Variants in HDAC8 observed in about 807,000 individuals in gnomAD.
HDAC8 encodes the protein histone deacetylase 8.
A neutral mutation model predicts 32.2 loss-of-function variants in HDAC8; 1 was observed. That is an observed-to-expected ratio of 0.03 (90% CI 0.01 to 0.15). HDAC8 has a LOEUF of 0.15. HDAC8 is among the 10% of genes least tolerant of loss of function. HDAC8 has a pLI of 1.00. For synonymous variants in HDAC8, 108 were observed against 113.9 expected (o/e 0.95, Z 0.33); for missense variants, 117 against 300.0 (o/e 0.39, Z 4.51).
chrX:72,496,295 T>G (rs1300723143), intron 4 of HDAC8, among the ~76,000 whole-genome samples: 3 of 110,424 alleles, frequency 2.7e-5, no homozygotes, highest in Non-Finnish European at 3.8e-5. Flanking sequence ...CATTTCATAT[T>G]CTAAATAATG....
intron 9 of HDAC8, among the ~76,000 whole-genome samples, chrX:72,420,779 C>T (rs1360352160): frequency 1.8e-5 from 2 of 112,009 alleles, no homozygotes; most frequent in African/African-American, 6.5e-5. Context: ...CACCCCACCT[C>T]TTTTTGGTTA....
chrX:72,333,260 C>T (rs191508931), intron 10 of HDAC8, among the ~76,000 whole-genome samples: 1 of 112,213 alleles, frequency 8.9e-6, no homozygotes, highest in Admixed American at 9.5e-5. Flanking sequence ...CCCCTTCTTT[C>T]TGTTCCACTG....
At chrX:72,500,268 G>C (rs73498383) in intron 4 of HDAC8, among the ~76,000 whole-genome samples, 1 of 111,239 alleles carries the variant, frequency 9.0e-6, no homozygotes, top group East Asian at 2.8e-4. Flanking sequence ...ACTCTTCCTC[G>C]ACTCATTCTA....
intron 4 of HDAC8, among the ~76,000 whole-genome samples, chrX:72,509,552 T>A (rs1187620049): frequency 8.9e-6 from 1 of 111,903 alleles, no homozygotes; most frequent in Non-Finnish European, 1.9e-5. Flanking sequence ...ATTCCGCCTT[T>A]AAAAAGAAGG....
At chrX:72,451,515 A>G (rs2047570712) in intron 9 of HDAC8, among the ~76,000 whole-genome samples, 1 of 112,485 alleles carries the variant, frequency 8.9e-6, no homozygotes, top group Admixed American at 9.4e-5. Context: ...AGGTTTGAAT[A>G]CCAAATATAA....
At chrX:72,506,107 T>A (rs910501994) in intron 4 of HDAC8, among the ~76,000 whole-genome samples, 2 of 111,730 alleles carry the variant, frequency 1.8e-5, no homozygotes, top group South Asian at 7.6e-4. Flanking sequence ...TGGCTCAATA[T>A]AAACCTAGAC....
chrX:72,434,458 A>G (rs1602814141), intron 9 of HDAC8, among the ~76,000 whole-genome samples: 2 of 112,058 alleles, frequency 1.8e-5, no homozygotes, highest in African/African-American at 6.5e-5. Context: ...ATCTAAATAT[A>G]AAACTCAAAT....
intron 4 of HDAC8, among the ~76,000 whole-genome samples, chrX:72,566,160 CAAGA>C (rs1371425893): frequency 9.2e-6 from 1 of 108,235 alleles, no homozygotes; most frequent in Non-Finnish European, 1.9e-5. Context: ...AAAAACAAAA[CAAGA>C]AAGAAAGAAA....
intron 7 of HDAC8, chrX:72,474,826 A>G: frequency 1.9e-6 from 1 of 517,531 alleles, no homozygotes; most frequent in Non-Finnish European, 3.3e-6. Flanking sequence ...CTTTTCTTTG[A>G]TTCCATCAGG....
chrX:72,552,863 A>G (rs2051135577), intron 4 of HDAC8, among the ~76,000 whole-genome samples: 1 of 109,343 alleles, frequency 9.1e-6, no homozygotes, highest in Non-Finnish European at 1.9e-5. Flanking sequence ...CAATATCACC[A>G]TCCTCACAAA....
At chrX:72,388,898 T>C (rs781868370) in intron 9 of HDAC8, among the ~76,000 whole-genome samples, 1 of 112,086 alleles carries the variant, frequency 8.9e-6, no homozygotes, top group African/African-American at 3.2e-5. Context: ...ACCATGCTGG[T>C]GCCTTGATCT....
chrX:72,460,251 C>T (rs1555991199), intron 9 of HDAC8, among the ~76,000 whole-genome samples: 1 of 110,845 alleles, frequency 9.0e-6, no homozygotes, highest in African/African-American at 3.3e-5. Context: ...ATTCGCTTGC[C>T]TCAGCCTCCC....
chrX:72,375,180 G>T (rs782374799), intron 9 of HDAC8, among the ~76,000 whole-genome samples: 2 of 112,007 alleles, frequency 1.8e-5, no homozygotes, highest in Non-Finnish European at 3.8e-5. Context: ...TCATAGTTGG[G>T]AAGTTTTATT....
intron 4 of HDAC8, among the ~76,000 whole-genome samples, chrX:72,522,237 C>A (rs1285200100): frequency 8.9e-6 from 1 of 112,196 alleles, no homozygotes; most frequent in African/African-American, 3.2e-5. Context: ...AGAACTTTCA[C>A]GTGCATGCAT....
intron 4 of HDAC8, among the ~76,000 whole-genome samples, chrX:72,526,698 G>A (rs1556032388): frequency 9.0e-6 from 1 of 111,244 alleles, no homozygotes; most frequent in African/African-American, 3.3e-5. Flanking sequence ...CTACCTCTCA[G>A]GTACCTCGAA....
intron 9 of HDAC8, among the ~76,000 whole-genome samples, chrX:72,359,031 G>A (rs1016861994): frequency 9.1e-6 from 1 of 110,088 alleles, no homozygotes; most frequent in Non-Finnish European, 1.9e-5. Context: ...TGGCCCCAGG[G>A]GGGTTGGGGA....
chrX:72,427,525 C>T (rs1212591713), intron 9 of HDAC8, among the ~76,000 whole-genome samples: 2 of 101,174 alleles, frequency 2.0e-5, no homozygotes, highest in Non-Finnish European at 4.0e-5. Flanking sequence ...CATGTTCTCA[C>T]TCATAGGTGG....
intron 9 of HDAC8, among the ~76,000 whole-genome samples, chrX:72,459,499 C>G (rs2047811207): frequency 9.0e-6 from 1 of 110,924 alleles, no homozygotes; most frequent in African/African-American, 3.3e-5. Context: ...CCGGCTGCAA[C>G]TGACCACTGC....
chrX:72,381,047 T>C (rs1429990243), intron 9 of HDAC8, among the ~76,000 whole-genome samples: 3 of 111,738 alleles, frequency 2.7e-5, no homozygotes, highest in Non-Finnish European at 5.6e-5. Context: ...GTGCTCAAAA[T>C]GTGGTACCTG....
Sources: gnomAD v4.1 joint callset for allele counts (sites outside exome capture counted in the v4.1 genomes callset) on GRCh38, gnomAD v4.1.1 for gene constraint, MANE v1.5 for transcripts, NCBI Gene and HGNC (gene_info 2026-07-23, HGNC 2026-07-21) for gene names.